The following UBL3 variants were observed in gnomAD, a reference collection of about 807,000 sequenced individuals.
The protein encoded by UBL3 is ubiquitin like 3.
A neutral mutation model predicts 18.4 loss-of-function variants in UBL3; 6 were observed. The observed-to-expected ratio is 0.33, with a 90% confidence interval of 0.18 to 0.64. UBL3 has a LOEUF of 0.64. Ranked by LOEUF, UBL3 falls within the 30% of genes least tolerant of loss-of-function variation. The pLI is 0.76. For synonymous variants in UBL3, 49 were observed against 46.6 expected, an observed-to-expected ratio of 1.05 and a Z score of -0.21; for missense variants, 109 against 142.9, an observed-to-expected ratio of 0.76 and a Z score of 1.21.
chr13:29,776,674 C>A lies in UBL3; in HGVS notation c.136+481G>T, dbSNP rs542779644. On this transcript the variant is annotated intron_variant, in intron 2 of 4. Coordinates refer to ENST00000380680, the MANE Select transcript of UBL3 (RefSeq NM_007106.4). Reference sequence around the variant, plus strand: ...GATCACAAGGTCAAGAGATCGAGACCATCCTGGCCGACATGGTGAAACCCT... The same window carrying A: ...GATCACAAGGTCAAGAGATCGAGACAATCCTGGCCGACATGGTGAAACCCT... Among the ~76,000 whole-genome samples the A allele has an allele frequency of 1.1e-4, 16 of 151,764 alleles. 1 individual carries two copies. The South Asian group carries it at 3.3e-3, about 32-fold the overall frequency.
intron 1 of UBL3, among the ~76,000 whole-genome samples, chr13:29,815,172 G>GT (rs1296262863): frequency 2.6e-5 from 4 of 152,102 alleles, no homozygotes; most frequent in African/African-American, 9.7e-5. Flanking sequence ...CAGAAATCCT[G>GT]TGTCACTGGG....
intron 1 of UBL3, among the ~76,000 whole-genome samples, chr13:29,780,265 A>G (rs1877112566): frequency 1.3e-5 from 2 of 148,732 alleles, no homozygotes; most frequent in Non-Finnish European, 3.0e-5. Flanking sequence ...GAGGCAGGAG[A>G]ATGGCGTGAA....
At chr13:29,846,513 A>C (rs1210757448) in intron 1 of UBL3, among the ~76,000 whole-genome samples, 1 of 152,194 alleles carries the variant, frequency 6.6e-6, no homozygotes, top group Admixed American at 6.5e-5. Flanking sequence ...CTGGATGTTC[A>C]AAAATAAATT....
chr13:29,810,969 AC>A (rs1392893664), intron 1 of UBL3, among the ~76,000 whole-genome samples: 1 of 152,072 alleles, frequency 6.6e-6, no homozygotes, highest in Non-Finnish European at 1.5e-5. Flanking sequence ...CTATGTATAG[AC>A]CCTTGACATC....
chr13:29,804,781 C>T (rs1199584010), intron 1 of UBL3, among the ~76,000 whole-genome samples: 1 of 152,142 alleles, frequency 6.6e-6, no homozygotes, highest in Non-Finnish European at 1.5e-5. Flanking sequence ...ATGTTATTTC[C>T]AGGTGATAGC....
Position 29,765,583 on chromosome 13 carries a change from A to T in UBL3, c.*1672T>A, listed in dbSNP as rs575387326. On this transcript the variant is annotated 3_prime_UTR_variant, in exon 5 of 5. Coordinates refer to ENST00000380680, the MANE Select transcript of UBL3 (RefSeq NM_007106.4). ...CGGTGCTTAAACAATTATTGACCTA[A>T]TCAAGACCTTTAAAATTACCACCAA... 6.5e-6 allele frequency: 1 copy of T among 152,688 alleles called. No homozygotes were observed. Among genetic ancestry groups the T allele is most frequent in the Non-Finnish European group, 1.5e-5 (1 of 67,970 alleles). The allele number at this position is 152,688 out of a possible 1,614,324, so 9.5% of individuals were successfully genotyped here. A position where few individuals can be genotyped will look rare whatever the true frequency, so the allele number is the denominator to read the frequency against.
chr13:29,793,519 A>G (rs1351343626), intron 1 of UBL3, among the ~76,000 whole-genome samples: 1 of 152,202 alleles, frequency 6.6e-6, no homozygotes, highest in Non-Finnish European at 1.5e-5. Context: ...TTTACTTAGC[A>G]ATGTTCTATT....
intron 1 of UBL3, among the ~76,000 whole-genome samples, chr13:29,842,180 C>T (rs983147673): frequency 1.5e-5 from 2 of 136,390 alleles, no homozygotes; most frequent in Non-Finnish European, 3.0e-5. Flanking sequence ...CTTACTCTGT[C>T]GCCCAGGCTG....
At chr13:29,823,826 T>C (rs1400721371) in intron 1 of UBL3, among the ~76,000 whole-genome samples, 1 of 151,970 alleles carries the variant, frequency 6.6e-6, no homozygotes, top group Non-Finnish European at 1.5e-5. Flanking sequence ...TCATTTACAT[T>C]AGGTGTATCT....
chr13:29,823,633 T>C (rs1878536968), intron 1 of UBL3, among the ~76,000 whole-genome samples: 1 of 152,232 alleles, frequency 6.6e-6, no homozygotes, highest in African/African-American at 2.4e-5. Flanking sequence ...ATTAACCTAG[T>C]TGACACTGCA....
chr13:29,826,582 CTTTA>C (rs1276063215), intron 1 of UBL3, among the ~76,000 whole-genome samples: 1 of 152,070 alleles, frequency 6.6e-6, no homozygotes, highest in Non-Finnish European at 1.5e-5. Context: ...TTTGATTCTT[CTTTA>C]TTAGTCTTGC....
rs971801758 is a variant in UBL3 at position 29,850,597 on chromosome 13, G to GGCGGCGGCT, written c.-1060_-1059insAGCCGCCGC. 4.5e-5 allele frequency: 7 copies of GGCGGCGGCT among 155,914 alleles called. No individual in the cohort carries two copies. The highest frequency in any genetic ancestry group is 1.4e-4 in the African/African-American group (6 of 41,454). The allele number at this position is 155,914 out of a possible 1,614,324, so 9.7% of individuals were successfully genotyped here. A position where few individuals can be genotyped will look rare whatever the true frequency, so the allele number is the denominator to read the frequency against. Reference sequence around the variant, plus strand: ...CCAACATGGCGGCAGCGGCGGCGGCGGCGGCTGCCTGAGTGCGACTAAGGG... The same window carrying GGCGGCGGCT: ...CCAACATGGCGGCAGCGGCGGCGGCGGCGGCGGCTGCGGCTGCCTGAGTGCGACTAAGGG... On this transcript the variant is annotated 5_prime_UTR_variant, in exon 1 of 5. Transcript: ENST00000380680.
intron 1 of UBL3, among the ~76,000 whole-genome samples, chr13:29,800,014 T>C (rs1355143596): frequency 6.6e-6 from 1 of 152,146 alleles, no homozygotes; most frequent in Non-Finnish European, 1.5e-5. Flanking sequence ...TAAAATTTTC[T>C]AGGATGACTA....
chr13:29,827,491 A>C (rs1878653330), intron 1 of UBL3, among the ~76,000 whole-genome samples: 1 of 152,190 alleles, frequency 6.6e-6, no homozygotes. Flanking sequence ...ATCAGAGACT[A>C]GGATTGCAAC....
intron 1 of UBL3, among the ~76,000 whole-genome samples, chr13:29,787,947 G>A (rs907006912): frequency 2.0e-5 from 3 of 152,274 alleles, no homozygotes; most frequent in Middle Eastern, 3.4e-3. Flanking sequence ...ATGTATTTCA[G>A]GAAGATGACA....
chr13:29,776,034 T>G (rs1876978513), intron 2 of UBL3, among the ~76,000 whole-genome samples: 1 of 152,222 alleles, frequency 6.6e-6, no homozygotes, highest in South Asian at 2.1e-4. Context: ...TTAATTATCT[T>G]GACCTTATAG....
At chr13:29,821,048 T>C (rs952584471) in intron 1 of UBL3, among the ~76,000 whole-genome samples, 5 of 152,106 alleles carry the variant, frequency 3.3e-5, no homozygotes, top group African/African-American at 1.2e-4. Context: ...ATAATAATAA[T>C]ACCTACCTAA....
intron 3 of UBL3, among the ~76,000 whole-genome samples, chr13:29,770,456 T>C (rs1430748248): frequency 2.0e-5 from 3 of 152,096 alleles, no homozygotes; most frequent in African/African-American, 7.2e-5. Flanking sequence ...AATTATACTT[T>C]AGTGGGAATA....
At chr13:29,833,271 G>A (rs188947666) in intron 1 of UBL3, among the ~76,000 whole-genome samples, 17 of 152,314 alleles carry the variant, frequency 1.1e-4, no homozygotes, top group East Asian at 9.6e-4. Context: ...ATAAAAAGAC[G>A]TCTGGATGGA....
Sources: gnomAD v4.1 joint callset for allele counts (sites outside exome capture counted in the v4.1 genomes callset) on GRCh38, gnomAD v4.1.1 for gene constraint, MANE v1.5 for transcripts, NCBI Gene and HGNC (gene_info 2026-07-23, HGNC 2026-07-21) for gene names.